SLC19A3: variants seen among roughly 807,000 people sequenced by gnomAD.
SLC19A3 encodes solute carrier family 19 member 3, also known as thiamine transporter 2.
SLC19A3 carries 31 observed loss-of-function variants against 40.2 expected under a neutral mutation model. The ratio of observed to expected loss-of-function variants is 0.77; its 90% CI spans 0.58 to 1.04. The LOEUF is 1.04. SLC19A3 is among the 50% of genes least tolerant of loss of function. The pLI, the probability that SLC19A3 is intolerant of heterozygous loss-of-function variation, is 0.00. For synonymous variants in SLC19A3, 212 were observed against 227.5 expected (o/e 0.93, Z 0.61); for missense variants, 592 against 596.7 (o/e 0.99, Z 0.08).
At chr2:227,695,796 G>T in intron 4 of SLC19A3, 93 bp downstream of exon 4, 1 of 1,290,674 alleles carries the variant, frequency 7.7e-7, no homozygotes, top group Non-Finnish European at 1.1e-6. Context: ...TATTGCAATT[G>T]ACTAAAATCC....
chr2:227,698,654 C>G lies in SLC19A3; in HGVS notation c.979+82G>C, dbSNP rs1695537352. On this transcript the variant is annotated intron_variant, in intron 3 of 5. Transcript: ENST00000644224. ...TGCTTCCTTCTGAACAGAGCTAATT[C>G]GCTGCCATGAAGTTCGGTACCTGGA... The G allele has an allele frequency of 3.3e-6, 4 of 1,207,046 alleles. No individual in the cohort carries two copies. The South Asian group carries it at 3.6e-5, about 11-fold the overall frequency. The allele number at this position is 1,207,046 out of a possible 1,614,324, so 74.8% of individuals were successfully genotyped here. A position where few individuals can be genotyped will look rare whatever the true frequency, so the allele number is the denominator to read the frequency against.
chr2:227,706,852 G>C (rs984728208), intron 1 of SLC19A3: 1 of 152,286 alleles, frequency 6.6e-6, no homozygotes, highest in Non-Finnish European at 1.5e-5. Flanking sequence ...TGAAGATGCT[G>C]AAAGTAGAAA....
Position 227,690,637 on chromosome 2 carries a change from G to A in SLC19A3, c.1173-2330C>T, listed in dbSNP as rs188691561. On this transcript the variant is annotated intron_variant, in intron 4 of 5. Coordinates refer to ENST00000644224, the MANE Select transcript of SLC19A3 (RefSeq NM_025243.4). ...CAGGAGAATGGTGTGAACCCGGGAG[G>A]TGGAGCTTGCAGTGAGCTGAGATCG... is the stretch of plus-strand genomic sequence containing the variant. 3.0e-3 allele frequency among the ~76,000 whole-genome samples: 438 copies of A among 146,910 alleles called. 3 individuals are homozygous for A. The highest frequency in any genetic ancestry group is 0.01 in the African/African-American group (402 of 39,576).
At chr2:227,714,778 C>T (rs1471470758) in intron 1 of SLC19A3, among the ~76,000 whole-genome samples, 1 of 141,028 alleles carries the variant, frequency 7.1e-6, no homozygotes, top group Non-Finnish European at 1.5e-5. Flanking sequence ...GAGATAAATA[C>T]ATGAATAACA....
intron 1 of SLC19A3, chr2:227,714,571 G>A: frequency 3.0e-6 from 3 of 985,116 alleles, no homozygotes; most frequent in South Asian, 9.4e-5. Flanking sequence ...ATACCCTGGA[G>A]TCTCTTGTCC....
chr2:227,716,300 G>A (rs1446176096), intron 1 of SLC19A3, among the ~76,000 whole-genome samples: 1 of 152,050 alleles, frequency 6.6e-6, no homozygotes, highest in African/African-American at 2.4e-5. Flanking sequence ...CCTGATCTAC[G>A]AATGTACCCA....
chr2:227,707,687 AG>A (rs11336092), intron 1 of SLC19A3, among the ~76,000 whole-genome samples: 99,787 of 151,954 alleles, frequency 0.66, 34,283 homozygotes, highest in Middle Eastern at 0.78. Flanking sequence ...TGTCCCACCA[AG>A]GGATGCTTCA....
chr2:227,708,644 TGATA>T (rs1194576662), intron 1 of SLC19A3, among the ~76,000 whole-genome samples: 1 of 152,212 alleles, frequency 6.6e-6, no homozygotes, highest in African/African-American at 2.4e-5. Context: ...TAACCTTCTT[TGATA>T]GATAAATGCT....
At chr2:227,702,726 T>C (rs1368457163) in intron 1 of SLC19A3, 4 of 200,320 alleles carry the variant, frequency 2.0e-5, no homozygotes, top group African/African-American at 9.4e-5. Context: ...AAAACAATCA[T>C]TGTATGGCAG....
At position 227,702,179 on chromosome 2, in the gene SLC19A3, G is replaced by A. The variant is rs1272646707; in HGVS notation, c.140C>T (p.Thr47Ile). Reference sequence around the variant, plus strand: ...TGTATGTTAACTTACCTCTGCACTGGTCAGGTTTTTATCTGGTCCAGATAA... The same window carrying A: ...TGTATGTTAACTTACCTCTGCACTGATCAGGTTTTTATCTGGTCCAGATAA... ...PYLSGPDKNL[T>I]SAEITNEIFP... Residue 47 changes from threonine to isoleucine, a missense_variant, in exon 2 of 6, where the codon ACC becomes ATC. Transcript: ENST00000644224. 1 of 1,613,486 alleles carries A rather than the reference G, an allele frequency of 6.2e-7. No homozygotes were observed. The highest frequency in any genetic ancestry group is 1.1e-5 in the South Asian group (1 of 91,066).
At chr2:227,709,671 G>A (rs1028431804) in intron 1 of SLC19A3, among the ~76,000 whole-genome samples, 7 of 152,118 alleles carry the variant, frequency 4.6e-5, no homozygotes, top group African/African-American at 1.4e-4. Flanking sequence ...GGCTCCCTGA[G>A]GTAGGGGACA....
chr2:227,694,226 C>T (rs1695341062), intron 4 of SLC19A3, among the ~76,000 whole-genome samples: 2 of 152,054 alleles, frequency 1.3e-5, no homozygotes, highest in Admixed American at 6.6e-5. Context: ...AGGCTGGTCT[C>T]GAACTCCTGA....
intron 2 of SLC19A3, 149 bp from the exon 3 acceptor site, chr2:227,699,713 A>T (rs1695602071): frequency 1.3e-6 from 1 of 778,552 alleles, no homozygotes; most frequent in Admixed American, 2.0e-5. Context: ...AAATCACAAG[A>T]AAAGATAGTC....
chr2:227,714,649 T>G, intron 1 of SLC19A3: 1 of 978,008 alleles, frequency 1.0e-6, no homozygotes, highest in Non-Finnish European at 1.2e-6. Context: ...TTCTGGTGGC[T>G]TTATGTACTG....
chr2:227,706,368 A>G, intron 1 of SLC19A3: 1 of 1,231,630 alleles, frequency 8.1e-7, no homozygotes, highest in Non-Finnish European at 1.0e-6. Context: ...GTTCCAAATC[A>G]CAAGATAGTC....
chr2:227,696,899 C>G (rs901366787), intron 3 of SLC19A3, among the ~76,000 whole-genome samples: 3 of 151,988 alleles, frequency 2.0e-5, no homozygotes, highest in African/African-American at 7.2e-5. Context: ...AACTCCAGCT[C>G]TACTAAAAAT....
chr2:227,690,107 G>C (rs1325570912), intron 4 of SLC19A3, among the ~76,000 whole-genome samples: 9 of 152,098 alleles, frequency 5.9e-5, no homozygotes, highest in Admixed American at 5.9e-4. Context: ...AACCAGAAAA[G>C]AAATAACAAA....
chr2:227,688,213 C>T lies in SLC19A3; in HGVS notation c.1267G>A (p.Val423Met). The T allele has an allele frequency of 1.9e-6, 3 of 1,614,098 alleles. No homozygotes were observed. ...IALVIQTIMT[V>M]IVVDQRGLNL... ...AGCCCTCTCTGATCTACTACAATCA[C>T]AGTCATGATGGTCTGAATCACCAAG... is the stretch of plus-strand genomic sequence containing the variant. Residue 423 changes from valine (V) to methionine (M), a missense_variant, in exon 5 of 6, where the codon GTG becomes ATG. Transcript: ENST00000644224.
intron 1 of SLC19A3, among the ~76,000 whole-genome samples, chr2:227,709,292 G>A (rs1365687884): frequency 3.3e-5 from 5 of 152,066 alleles, no homozygotes; most frequent in South Asian, 4.2e-4. Context: ...GATCAGCCTG[G>A]CCAACATTGG....
Sources: gnomAD v4.1 joint callset for allele counts (sites outside exome capture counted in the v4.1 genomes callset) on GRCh38, gnomAD v4.1.1 for gene constraint, MANE v1.5 for transcripts, NCBI Gene and HGNC (gene_info 2026-07-23, HGNC 2026-07-21) for gene names.